Variants in AP5M1 observed in about 807,000 individuals in gnomAD.
AP5M1 encodes the protein adaptor related protein complex 5 subunit mu 1.
In AP5M1, 44 loss-of-function variants were observed where a neutral mutation model predicts 52.3. The ratio of observed to expected loss-of-function variants is 0.84; its 90% CI spans 0.66 to 1.08. The LOEUF (loss-of-function observed/expected upper bound fraction) is 1.08. Ranked by LOEUF, AP5M1 falls within the 50% of genes least tolerant of loss-of-function variation. AP5M1 has a pLI of 0.00. For synonymous variants in AP5M1, 213 were observed against 199.0 expected (o/e 1.07, Z -0.59); for missense variants, 526 against 568.4 (o/e 0.93, Z 0.76).
intron 1 of AP5M1, among the ~76,000 whole-genome samples, chr14:57,270,755 C>G (rs767709688): frequency 2.0e-5 from 3 of 152,210 alleles, no homozygotes; most frequent in Non-Finnish European, 4.4e-5. Context: ...TGACAGATAA[C>G]TCTTAACATC....
chr14:57,287,398 G>A (rs919486239), intron 7 of AP5M1, among the ~76,000 whole-genome samples: 2 of 152,062 alleles, frequency 1.3e-5, no homozygotes, highest in Non-Finnish European at 2.9e-5. Context: ...ACTATGTAAT[G>A]TAACCAGAAT....
intron 3 of AP5M1, 56 bp from the exon 4 acceptor site, chr14:57,282,033 T>C: frequency 2.1e-6 from 3 of 1,420,066 alleles, no homozygotes; most frequent in Non-Finnish European, 2.8e-6. Flanking sequence ...CAGTTACTTT[T>C]GTTGTTTTAG....
chr14:57,269,497 T>C, intron 1 of AP5M1, 109 bp downstream of exon 1: 1 of 1,028,350 alleles, frequency 9.7e-7, no homozygotes, highest in Non-Finnish European at 1.5e-6. Flanking sequence ...TGCGTGACCT[T>C]GGGCTAGCCA....
intron 2 of AP5M1, among the ~76,000 whole-genome samples, chr14:57,275,894 A>G (rs1255163451): frequency 6.6e-6 from 1 of 152,194 alleles, no homozygotes; most frequent in Non-Finnish European, 1.5e-5. Flanking sequence ...ACAAGTTTAT[A>G]TTAATAGTAT....
rs2139685655 is a variant in AP5M1, at chr14:57,274,471, A to G, written c.302A>G (p.Lys101Arg). 1.2e-6 allele frequency: 2 copies of G among 1,614,214 alleles called. No homozygotes were observed. The highest frequency in any genetic ancestry group is 2.7e-5 in the African/African-American group (2 of 75,060). ...EELWPVVAFL[K>R]NDMIYACVPL... ...CTCTGGCCAGTTGTTGCTTTTCTGA[A>G]GAATGACATGATATATGCTTGTGTT... The change falls in exon 2 of 8, where the codon AAG becomes AGG. Residue 101 changes from lysine (K) to arginine (R), a missense_variant. By Grantham distance (26) the Lys-to-Arg change is conservative. Transcript: ENST00000261558.
At chr14:57,276,869 G>C (rs749827691) in intron 2 of AP5M1, among the ~76,000 whole-genome samples, 3 of 152,090 alleles carry the variant, frequency 2.0e-5, no homozygotes, top group Non-Finnish European at 4.4e-5. Flanking sequence ...GTTTCTTTAA[G>C]GTTGTATGTA....
rs142562256 is a variant in AP5M1, at chr14:57,288,040, T to C, written c.1391-762T>C. 2.1e-3 allele frequency among the ~76,000 whole-genome samples: 320 copies of C among 152,210 alleles called. 2 individuals carry two copies. The highest frequency in any genetic ancestry group is 7.2e-3 in the African/African-American group (300 of 41,558). On this transcript the variant is annotated intron_variant, in intron 7 of 7. Coordinates refer to ENST00000261558, the MANE Select transcript of AP5M1 (RefSeq NM_018229.4). ...AATCTGTCCACTTAACAGTATGCTGTCTTGCCTCTCATTGTTACTGCGTTC... is the reference window on the plus strand; with the variant it reads ...AATCTGTCCACTTAACAGTATGCTGCCTTGCCTCTCATTGTTACTGCGTTC...
rs1414414772 is a variant in AP5M1 at position 57,297,190 on chromosome 14, CTATTA to C, written c.*8311_*8315del. 2.6e-5 allele frequency: 4 copies of C among 151,850 alleles called. No individual in the cohort carries two copies. Among genetic ancestry groups the C allele is most frequent in the African/African-American group, 9.7e-5 (4 of 41,350 alleles). 9.4% of individuals were successfully genotyped at this position (151,850 alleles called of 1,614,324 possible). ...TATAAATGTCTAATGAAAGTAATTA[CTATTA>C]TATTTGATTTGATATTTAATTTATT... is the stretch of plus-strand genomic sequence containing the variant. On this transcript the variant is annotated 3_prime_UTR_variant, in exon 8 of 8. Coordinates refer to ENST00000261558, the MANE Select transcript of AP5M1 (RefSeq NM_018229.4).
rs749047264 is a variant in AP5M1 at position 57,280,287 on chromosome 14, T to C, written c.813T>C (p.Cys271=). ...SPLQDILVHP[C]VTSLDSAILT... is the part of the protein sequence containing the mutation. ...TTCAGGATATTCTAGTTCACCCTTG[T>C]GTAACTTCTCTTGACTCTGCAATTC... Residue 271 remains cysteine, a synonymous_variant, in exon 3 of 8, where the codon TGT becomes TGC. Transcript: ENST00000261558. The C allele has an allele frequency of 8.7e-6, 14 of 1,613,932 alleles. No homozygotes were observed. The East Asian group carries it at 2.9e-4, about 33-fold the overall frequency.
At chr14:57,284,430 A>G (rs1372333555) in intron 6 of AP5M1, among the ~76,000 whole-genome samples, 1 of 152,192 alleles carries the variant, frequency 6.6e-6, no homozygotes, top group Non-Finnish European at 1.5e-5. Flanking sequence ...TATGAATGTT[A>G]ATCTGGAATG....
intron 2 of AP5M1, among the ~76,000 whole-genome samples, chr14:57,277,306 G>T (rs1328100788): frequency 3.3e-5 from 5 of 152,018 alleles, no homozygotes; most frequent in Non-Finnish European, 7.4e-5. Context: ...TTCCATGATG[G>T]TTGATCTTTC....
intron 6 of AP5M1, among the ~76,000 whole-genome samples, chr14:57,284,107 A>C (rs1395962230): frequency 6.6e-6 from 1 of 152,228 alleles, no homozygotes; most frequent in African/African-American, 2.4e-5. Context: ...TATTTCAAGA[A>C]AAAGGTGCTA....
At chr14:57,288,397 A>G (rs552833942) in intron 7 of AP5M1, among the ~76,000 whole-genome samples, 2 of 152,090 alleles carry the variant, frequency 1.3e-5, no homozygotes, top group Non-Finnish European at 2.9e-5. Flanking sequence ...GTGTTAATTT[A>G]TATCTCTGAC....
intron 7 of AP5M1, among the ~76,000 whole-genome samples, chr14:57,287,784 GTAA>G (rs1198942409): frequency 6.6e-6 from 1 of 152,004 alleles, no homozygotes; most frequent in South Asian, 2.1e-4. Flanking sequence ...AAATAGTTTA[GTAA>G]TAATAATACC....
chr14:57,296,945 G>A lies in AP5M1; in HGVS notation c.*8061G>A, dbSNP rs1289314039. ...AGGAGACTATTTCTGTATGTTATTA[G>A]TACAGAAACTGCCCAAAAAGGTGAT... On this transcript the variant is annotated 3_prime_UTR_variant, in exon 8 of 8. Coordinates refer to ENST00000261558, the MANE Select transcript of AP5M1 (RefSeq NM_018229.4). 2 of 151,952 alleles carry A rather than the reference G, an allele frequency of 1.3e-5. No homozygotes were observed. Among genetic ancestry groups the A allele is most frequent in the African/African-American group, 4.8e-5 (2 of 41,386 alleles). 9.4% of individuals were successfully genotyped at this position (151,952 alleles called of 1,614,324 possible). A position where few individuals can be genotyped will look rare whatever the true frequency, so the allele number is the denominator to read the frequency against.
chr14:57,269,174 C>A lies in AP5M1; in HGVS notation c.-141C>A. 1.3e-6 allele frequency: 1 copy of A among 747,456 alleles called. No homozygotes were observed. The highest frequency in any genetic ancestry group is 2.2e-6 in the Non-Finnish European group (1 of 449,108). The allele number at this position is 747,456 out of a possible 1,614,324, so 46.3% of individuals were successfully genotyped here. ...AGTGACTTCACCTAAAAAAGCTAAC[C>A]TCTCTGCTGAGCGCGACCGGTATGC... On this transcript the variant is annotated 5_prime_UTR_variant, in exon 1 of 8. Transcript: ENST00000261558.
chr14:57,289,455 T>C lies in AP5M1; in HGVS notation c.*571T>C, dbSNP rs1885389142. 6.6e-6 allele frequency: 1 copy of C among 152,110 alleles called. No individual in the cohort carries two copies. The highest frequency in any genetic ancestry group is 2.4e-5 in the African/African-American group (1 of 41,434). The allele number at this position is 152,110 out of a possible 1,614,324, so 9.4% of individuals were successfully genotyped here. ...CAGAGACAAAGGAAAAGTGTTTAAA[T>C]AGTAAGCTGTTCTTCTTAATCAGAA... On this transcript the variant is annotated 3_prime_UTR_variant, in exon 8 of 8. Coordinates refer to ENST00000261558, the MANE Select transcript of AP5M1 (RefSeq NM_018229.4).
intron 2 of AP5M1, among the ~76,000 whole-genome samples, chr14:57,275,886 A>G (rs1885022937): frequency 6.6e-6 from 1 of 152,188 alleles, no homozygotes; most frequent in Non-Finnish European, 1.5e-5. Flanking sequence ...AACTTCCTAC[A>G]AGTTTATATT....
At position 57,289,302 on chromosome 14, in the gene AP5M1, T is replaced by C. The variant is rs1280549304; in HGVS notation, c.*418T>C. Reference sequence around the variant, plus strand: ...TCAGGCAGCCACTCCCAGTGGGTTGTAGATAATGTGCAAGATAAAAACTAT... The same window carrying C: ...TCAGGCAGCCACTCCCAGTGGGTTGCAGATAATGTGCAAGATAAAAACTAT... On this transcript the variant is annotated 3_prime_UTR_variant, in exon 8 of 8. Coordinates refer to ENST00000261558, the MANE Select transcript of AP5M1 (RefSeq NM_018229.4). 2.0e-5 allele frequency: 3 copies of C among 153,368 alleles called. No individual in the cohort carries two copies. The highest frequency in any genetic ancestry group is 7.2e-5 in the African/African-American group (3 of 41,444). The allele number at this position is 153,368 out of a possible 1,614,324, so 9.5% of individuals were successfully genotyped here. A position where few individuals can be genotyped will look rare whatever the true frequency, so the allele number is the denominator to read the frequency against.
Sources: allele counts gnomAD v4.1 joint callset (sites outside exome capture counted in the v4.1 genomes callset), GRCh38; gene constraint gnomAD v4.1.1; transcripts MANE v1.5; gene names NCBI Gene and HGNC (gene_info 2026-07-23, HGNC 2026-07-21).